The following PDE10A variants were observed in gnomAD, a reference collection of about 807,000 sequenced individuals.
The protein encoded by PDE10A is cAMP and cAMP-inhibited cGMP 3',5'-cyclic phosphodiesterase 10A.
A neutral mutation model predicts 97.7 loss-of-function variants in PDE10A; 39 were observed. The observed-to-expected ratio is 0.40, with a 90% CI of 0.31 to 0.52. The LOEUF (loss-of-function observed/expected upper bound fraction) is 0.52, where lower values mean the gene tolerates loss of function less well. PDE10A is among the 20% of genes least tolerant of loss of function. The pLI is 0.56. For synonymous variants in PDE10A, 371 were observed against 376.8 expected (o/e 0.98, Z 0.18); for missense variants, 731 against 1,047.8 (o/e 0.70, Z 4.17).
intron 13 of PDE10A, among the ~76,000 whole-genome samples, chr6:165,399,114 C>T (rs1786422346): frequency 6.6e-6 from 1 of 152,142 alleles, no homozygotes; most frequent in Admixed American, 6.5e-5. Context: ...GTCAGGTCAT[C>T]ACAAGGATAT....
intron 5 of PDE10A, among the ~76,000 whole-genome samples, chr6:165,445,892 T>TAGAG (rs145999232): frequency 0.016 from 2,343 of 144,846 alleles, 60 homozygotes; most frequent in South Asian, 0.07. Context: ...AATTCACAGT[T>TAGAG]AGAGAGAGAG....
intron 1 of PDE10A, among the ~76,000 whole-genome samples, chr6:165,872,239 C>T (rs1253293649): frequency 1.3e-5 from 2 of 152,190 alleles, no homozygotes; most frequent in Non-Finnish European, 2.9e-5. Flanking sequence ...CTACATCCCA[C>T]GCGTTTAATA....
chr6:165,790,305 A>T (rs1208555354), intron 1 of PDE10A, among the ~76,000 whole-genome samples: 1 of 152,166 alleles, frequency 6.6e-6, no homozygotes, highest in African/African-American at 2.4e-5. Context: ...AAGATTCAGG[A>T]GAAAGAGAGG....
chr6:165,943,222 AGAAAGAAAGAAAGAAGGAAGGAAGGAAG>A (rs1223426935), intron 1 of PDE10A, among the ~76,000 whole-genome samples: 4 of 64,648 alleles, frequency 6.2e-5, no homozygotes, highest in African/African-American at 1.4e-4. Context: ...AAAGAAAGAA[AGAAAGAAAGAAAGAAGGAAGGAAGGAAG>A]GAAGGAAGGA....
intron 1 of PDE10A, among the ~76,000 whole-genome samples, chr6:165,586,447 A>G (rs1304318814): frequency 6.6e-6 from 1 of 152,192 alleles, no homozygotes; most frequent in Admixed American, 6.5e-5. Context: ...TTACTCTTCA[A>G]TATTTCCTTT....
intron 1 of PDE10A, among the ~76,000 whole-genome samples, chr6:165,913,376 C>T (rs1782517499): frequency 6.6e-6 from 1 of 151,932 alleles, no homozygotes. Context: ...CTCAGATGTT[C>T]AAGTCCCTGA....
intron 1 of PDE10A, among the ~76,000 whole-genome samples, chr6:165,985,738 A>T (rs74786586): frequency 3.1e-5 from 1 of 31,772 alleles, no homozygotes; most frequent in Non-Finnish European, 8.0e-5. Flanking sequence ...CTCCATCCCC[A>T]GTACGGTGTG....
intron 1 of PDE10A, among the ~76,000 whole-genome samples, chr6:165,850,606 G>A (rs1009508926): frequency 1.8e-4 from 27 of 152,262 alleles, no homozygotes; most frequent in Admixed American, 1.3e-4. Flanking sequence ...AGATCGAGGA[G>A]CGACACTGGC....
chr6:165,767,207 G>T (rs1777877213), intron 1 of PDE10A, among the ~76,000 whole-genome samples: 2 of 152,272 alleles, frequency 1.3e-5, no homozygotes, highest in South Asian at 4.2e-4. Context: ...AGTGCTTATT[G>T]TTAGACTAGG....
intron 13 of PDE10A, among the ~76,000 whole-genome samples, chr6:165,396,997 G>T (rs1786224734): frequency 6.6e-6 from 1 of 152,112 alleles, no homozygotes; most frequent in Admixed American, 6.6e-5. Context: ...GGTGTTATTG[G>T]TGTTCCAGCA....
At chr6:165,729,354 A>T (rs1227267186) in intron 1 of PDE10A, among the ~76,000 whole-genome samples, 1 of 152,240 alleles carries the variant, frequency 6.6e-6, no homozygotes, top group East Asian at 1.9e-4. Flanking sequence ...AACAGATTAA[A>T]CATTTTTTGA....
intron 1 of PDE10A, among the ~76,000 whole-genome samples, chr6:165,741,329 G>GAA (rs1186617206): frequency 6.6e-6 from 1 of 152,004 alleles, no homozygotes; most frequent in Non-Finnish European, 1.5e-5. Context: ...ATTATTGCCT[G>GAA]AAAAAAATTT....
At chr6:165,355,763 T>A (rs1782982558) in intron 18 of PDE10A, among the ~76,000 whole-genome samples, 1 of 152,094 alleles carries the variant, frequency 6.6e-6, no homozygotes, top group African/African-American at 2.4e-5. Context: ...TTCAGCTTTA[T>A]TAAAACAAAA....
intron 18 of PDE10A, among the ~76,000 whole-genome samples, chr6:165,344,577 G>C (rs999151869): frequency 2.0e-5 from 3 of 152,190 alleles, no homozygotes; most frequent in Non-Finnish European, 2.9e-5. Flanking sequence ...GACCCAGGCA[G>C]ACAGCACATT....
At chr6:165,664,237 G>C (rs1313741656), upstream of PDE10A, among the ~76,000 whole-genome samples, 1 of 152,042 alleles carries the variant, frequency 6.6e-6, no homozygotes, top group Non-Finnish European at 1.5e-5. Flanking sequence ...TGTGCCCCGG[G>C]TCCCGGGGCC....
chr6:165,850,705 T>C (rs577415378), intron 1 of PDE10A, among the ~76,000 whole-genome samples: 3 of 152,150 alleles, frequency 2.0e-5, no homozygotes, highest in Non-Finnish European at 2.9e-5. Flanking sequence ...AGGGCGTGAA[T>C]GGTCCAGCTC....
chr6:165,521,306 G>A lies in PDE10A; in HGVS notation c.994+22134C>T, dbSNP rs537957462. Among the ~76,000 whole-genome samples, 19 of 152,130 alleles carry A rather than the reference G, an allele frequency of 1.2e-4. No individual in the cohort carries two copies. The South Asian group carries it at 3.1e-3, about 25-fold the overall frequency. The stretch of plus-strand genomic sequence containing the variant: ...CTGAGACACAACAGAATTTAAATTA[G>A]ACCAACTAACAACCCTACAATGGCC... On this transcript the variant is annotated intron_variant, in intron 2 of 21. Transcript: ENST00000539869.
intron 18 of PDE10A, among the ~76,000 whole-genome samples, chr6:165,364,607 T>C (rs1783641442): frequency 6.6e-6 from 1 of 152,182 alleles, no homozygotes; most frequent in African/African-American, 2.4e-5. Flanking sequence ...GACTTTTTTA[T>C]ACCTTTACTG....
Position 165,811,573 on chromosome 6 carries a change from C to T in PDE10A, c.-615+175956G>A, listed in dbSNP as rs147212589. Among the ~76,000 whole-genome samples the T allele has an allele frequency of 2.0e-4, 31 of 152,322 alleles. No homozygotes were observed. The East Asian group carries it at 4.6e-3, about 23-fold the overall frequency. ...CTGCTCCCTGGCCATTTCTATTTCC[C>T]GTCTGGGTCCTGTTGGACTCCAGGA... On this transcript the variant is annotated intron_variant, in intron 1 of 19. Coordinates refer to the PDE10A transcript ENST00000366882.
Sources: gnomAD v4.1 joint callset for allele counts (sites outside exome capture counted in the v4.1 genomes callset) on GRCh38, gnomAD v4.1.1 for gene constraint, MANE v1.5 for transcripts, NCBI Gene and HGNC (gene_info 2026-07-23, HGNC 2026-07-21) for gene names.